SKAP2: variants seen among roughly 807,000 people sequenced by gnomAD.
SKAP2 encodes src kinase-associated phosphoprotein 2.
A neutral mutation model predicts 54.9 loss-of-function variants in SKAP2; 28 were observed. That is an observed-to-expected ratio of 0.51 (90% confidence interval 0.38 to 0.70). The LOEUF (loss-of-function observed/expected upper bound fraction) is 0.70. SKAP2 is among the 30% of genes least tolerant of loss of function. SKAP2 has a pLI of 0.00. For synonymous variants in SKAP2, 137 were observed against 134.3 expected (o/e 1.02, Z -0.14); for missense variants, 356 against 424.1 (o/e 0.84, Z 1.41).
At chr7:26,797,408 C>T (rs1783805977) in intron 4 of SKAP2, among the ~76,000 whole-genome samples, 1 of 152,188 alleles carries the variant, frequency 6.6e-6, no homozygotes, top group Non-Finnish European at 1.5e-5. Flanking sequence ...AAACAGGAGT[C>T]TCTGCCTGGT....
chr7:26,830,054 G>A (rs148414891), intron 4 of SKAP2, among the ~76,000 whole-genome samples: 15 of 152,120 alleles, frequency 9.9e-5, no homozygotes, highest in African/African-American at 3.4e-4. Flanking sequence ...AAGCATTATC[G>A]GGCCATAAAA....
At position 26,864,391 on chromosome 7, in the gene SKAP2, G is replaced by C. The variant is rs1785331206; in HGVS notation, c.39C>G (p.Leu13=). 5 of 1,613,434 alleles carry C rather than the reference G, an allele frequency of 3.1e-6. No homozygotes were observed. The East Asian group carries it at 1.1e-4, about 36-fold the overall frequency. Residue 13 remains leucine (L), a synonymous_variant, in exon 1 of 13, where the codon CTC becomes CTG. Coordinates refer to ENST00000345317, the MANE Select transcript of SKAP2 (RefSeq NM_003930.5). ...CCAACAGGTTCCTAATTTCCTCAGGGAGGGGGTAGGGAGAGGAGGTGCTGC... is the reference window on the plus strand; with the variant it reads ...CCAACAGGTTCCTAATTTCCTCAGGCAGGGGGTAGGGAGAGGAGGTGCTGC... ...NPSSTSSPYP[L]PEEIRNLLAD...
At chr7:26,723,663 T>A (rs1024452) in intron 9 of SKAP2, among the ~76,000 whole-genome samples, 16,120 of 152,146 alleles carry the variant, frequency 0.11, 1,130 homozygotes, top group African/African-American at 0.19. Flanking sequence ...GTCTTTGTTA[T>A]GAAAATAACT....
At chr7:26,852,013 AG>A (rs1785054247) in intron 3 of SKAP2, among the ~76,000 whole-genome samples, 1 of 152,170 alleles carries the variant, frequency 6.6e-6, no homozygotes, top group African/African-American at 2.4e-5. Context: ...AAATAAAATA[AG>A]GGTGTAAAGG....
intron 4 of SKAP2, among the ~76,000 whole-genome samples, chr7:26,815,854 A>G (rs1371948411): frequency 1.3e-5 from 2 of 152,154 alleles, no homozygotes; most frequent in African/African-American, 4.8e-5. Context: ...TCAGTTTTTC[A>G]TCTTAAGCCC....
At chr7:26,845,457 G>A (rs1159939940) in intron 3 of SKAP2, among the ~76,000 whole-genome samples, 1 of 152,202 alleles carries the variant, frequency 6.6e-6, no homozygotes, top group Non-Finnish European at 1.5e-5. Context: ...TGGCTATATT[G>A]TCATCCTTAG....
At chr7:26,783,096 G>A (rs1262371104) in intron 4 of SKAP2, among the ~76,000 whole-genome samples, 2 of 152,120 alleles carry the variant, frequency 1.3e-5, no homozygotes, top group Non-Finnish European at 2.9e-5. Context: ...TCACTCGCAT[G>A]TCCCCAAAGC....
intron 4 of SKAP2, among the ~76,000 whole-genome samples, chr7:26,805,650 G>A (rs1159259101): frequency 6.6e-6 from 1 of 152,198 alleles, no homozygotes; most frequent in Non-Finnish European, 1.5e-5. Context: ...GCAGCCATGT[G>A]AGTGAGCCTC....
intron 3 of SKAP2, among the ~76,000 whole-genome samples, chr7:26,846,241 T>G (rs1584423790): frequency 6.6e-6 from 1 of 152,142 alleles, no homozygotes; most frequent in South Asian, 2.1e-4. Flanking sequence ...ATGTGGCATA[T>G]TTTGCTATTA....
intron 4 of SKAP2, among the ~76,000 whole-genome samples, chr7:26,741,378 G>A (rs556350089): frequency 8.7e-5 from 13 of 149,882 alleles, no homozygotes; most frequent in African/African-American, 2.9e-4. Flanking sequence ...ATAACTGGGT[G>A]TAGTGGTATA....
At chr7:26,718,382 T>C (rs1290069188) in intron 9 of SKAP2, among the ~76,000 whole-genome samples, 2 of 152,018 alleles carry the variant, frequency 1.3e-5, no homozygotes, top group African/African-American at 4.8e-5. Context: ...GTTTTAAAAC[T>C]TTTATATGTA....
At chr7:26,672,027 C>A (rs1242504094) in intron 11 of SKAP2, among the ~76,000 whole-genome samples, 1 of 151,780 alleles carries the variant, frequency 6.6e-6, no homozygotes, top group African/African-American at 2.4e-5. Context: ...TTATTCAATG[C>A]CAATATAAGA....
At chr7:26,782,124 C>CA (rs1783438107) in intron 4 of SKAP2, among the ~76,000 whole-genome samples, 2 of 152,152 alleles carry the variant, frequency 1.3e-5, no homozygotes, top group African/African-American at 4.8e-5. Flanking sequence ...ACAATCCTGG[C>CA]ATATAGCAGG....
intron 4 of SKAP2, among the ~76,000 whole-genome samples, chr7:26,763,419 T>C (rs1782977124): frequency 6.6e-6 from 1 of 152,168 alleles, no homozygotes; most frequent in Non-Finnish European, 1.5e-5. Flanking sequence ...CAGTGCACCA[T>C]GTCAGGAGTT....
intron 6 of SKAP2, 41 bp from the exon 7 acceptor site, chr7:26,727,047 A>G: frequency 6.9e-7 from 1 of 1,457,716 alleles, no homozygotes; most frequent in Non-Finnish European, 9.2e-7. Context: ...TTTACTAAGT[A>G]TTAATGCTCA....
intron 9 of SKAP2, among the ~76,000 whole-genome samples, chr7:26,710,477 G>T (rs187807558): frequency 1.3e-5 from 2 of 152,262 alleles, no homozygotes; most frequent in Admixed American, 1.3e-4. Flanking sequence ...GAGCAGGGAG[G>T]ATATGGTTAG....
rs1303281367 is a variant in SKAP2, at chr7:26,689,729, A to C, written c.874+556T>G. Among the ~76,000 whole-genome samples, 8 of 152,318 alleles carry C rather than the reference A, an allele frequency of 5.3e-5. No individual in the cohort carries two copies. In the East Asian group the frequency reaches 1.5e-3, roughly 29 times the overall value. ...GGCTGCAGATCAATTAGCAGTCTTA[A>C]GTTTATCTGATTTTTATCAAAGAAG... is the stretch of plus-strand genomic sequence containing the variant. On this transcript the variant is annotated intron_variant, in intron 10 of 12. Transcript: ENST00000345317.
chr7:26,737,980 G>A (rs1471129863), intron 6 of SKAP2, among the ~76,000 whole-genome samples: 4 of 152,104 alleles, frequency 2.6e-5, no homozygotes, highest in African/African-American at 9.7e-5. Context: ...GTACAGCGGT[G>A]TGCACCTGTA....
chr7:26,768,596 T>C (rs9648021), intron 4 of SKAP2, among the ~76,000 whole-genome samples: 57,933 of 152,070 alleles, frequency 0.38, 11,617 homozygotes, highest in Middle Eastern at 0.48. Flanking sequence ...TGGCTGGTAC[T>C]GGTTTTTCCT....
Sources: gnomAD v4.1 joint callset for allele counts (sites outside exome capture counted in the v4.1 genomes callset) on GRCh38, gnomAD v4.1.1 for gene constraint, MANE v1.5 for transcripts, NCBI Gene and HGNC (gene_info 2026-07-23, HGNC 2026-07-21) for gene names.